Variants in ARFGAP1 observed in about 807,000 individuals in gnomAD.
The protein encoded by ARFGAP1 is ARF GTPase activating protein 1.
A neutral mutation model predicts 54.0 loss-of-function variants in ARFGAP1; 26 were observed. That is an observed-to-expected ratio of 0.48 (90% CI 0.35 to 0.67). ARFGAP1 has a LOEUF of 0.67. Ranked by LOEUF, ARFGAP1 falls within the 30% of genes least tolerant of loss-of-function variation. The pLI is 0.00. For synonymous variants in ARFGAP1, 248 were observed against 211.9 expected, an observed-to-expected ratio of 1.17 and a Z score of -1.48; for missense variants, 525 against 535.8, an observed-to-expected ratio of 0.98 and a Z score of 0.20.
Position 63,287,265 on chromosome 20 carries a change from T to C in ARFGAP1, c.912-299T>C, listed in dbSNP as rs572538991. Among the ~76,000 whole-genome samples, 4 of 152,360 alleles carry C rather than the reference T, an allele frequency of 2.6e-5. No homozygotes were observed. In the South Asian group the frequency reaches 8.3e-4, roughly 32 times the overall value. ...GCCAAGCGCCCCTGCCCCTCCCCACTTGACTAAACCACTGTTTTATTGCAG... is the reference window on the plus strand; with the variant it reads ...GCCAAGCGCCCCTGCCCCTCCCCACCTGACTAAACCACTGTTTTATTGCAG... On this transcript the variant is annotated intron_variant, in intron 12 of 12. Coordinates refer to ENST00000370283, the MANE Select transcript of ARFGAP1 (RefSeq NM_018209.4).
intron 9 of ARFGAP1, chr20:63,283,762 C>G: frequency 6.8e-7 from 1 of 1,475,318 alleles, no homozygotes; most frequent in Non-Finnish European, 9.4e-7. Context: ...TGTTGCGGCA[C>G]CCCATGGTGG....
chr20:63,279,865 G>A (rs1276466736), intron 7 of ARFGAP1, among the ~76,000 whole-genome samples: 1 of 152,202 alleles, frequency 6.6e-6, no homozygotes, highest in African/African-American at 2.4e-5. Flanking sequence ...TTTTGTAGGT[G>A]TGATGGCTCA....
chr20:63,276,587 A>G lies in ARFGAP1; in HGVS notation c.278A>G (p.Tyr93Cys). ...FREFLESQEDYDPCWSLQEKY... is the reference protein window; with the variant it reads ...FREFLESQEDCDPCWSLQEKY... ...GAGTTCCTGGAGTCTCAGGAGGATTACGATCCTTGCTGGTCCTTGCAGGAG... is the reference window on the plus strand; with the variant it reads ...GAGTTCCTGGAGTCTCAGGAGGATTGCGATCCTTGCTGGTCCTTGCAGGAG... Residue 93 changes from tyrosine to cysteine, a missense_variant, in exon 4 of 13, where the codon TAC (tyrosine) becomes TGC (cysteine). Tyr to Cys is a radical substitution (Grantham distance 194). Around this residue, in one of 3 missense-constraint regions of ARFGAP1, gnomAD observed 466 missense variants for 453.6 expected, o/e 1.03. Transcript: ENST00000370283. The surrounding 1 kb of genome is among the most constrained non-coding windows in gnomAD (Gnocchi z 5.2). The G allele has an allele frequency of 6.2e-7, 1 of 1,614,022 alleles. No individual in the cohort carries two copies. The highest frequency in any genetic ancestry group is 8.5e-7 in the Non-Finnish European group (1 of 1,179,988).
chr20:63,273,328 G>C (rs1318427429), intron 1 of ARFGAP1: 1 of 152,266 alleles, frequency 6.6e-6, no homozygotes, highest in African/African-American at 2.4e-5. Flanking sequence ...CTTTTCCCGA[G>C]CTCCTTCGGA....
intron 7 of ARFGAP1, among the ~76,000 whole-genome samples, chr20:63,279,783 T>A (rs907659412): frequency 1.3e-5 from 2 of 152,218 alleles, no homozygotes; most frequent in Non-Finnish European, 2.9e-5. Flanking sequence ...GTTGCCATTT[T>A]GCTATTAACG....
At chr20:63,284,512 G>A (rs762078864) in intron 9 of ARFGAP1, 6 of 1,158,992 alleles carry the variant, frequency 5.2e-6, no homozygotes, top group Non-Finnish European at 6.5e-6. Context: ...AGGCGTTGCA[G>A]GTCAGCATGG....
At chr20:63,279,816 C>A (rs1180387717) in intron 7 of ARFGAP1, among the ~76,000 whole-genome samples, 2 of 152,174 alleles carry the variant, frequency 1.3e-5, no homozygotes, top group Non-Finnish European at 2.9e-5. Context: ...GTTCCACTTT[C>A]TTTTTCCAAG....
chr20:63,275,648 T>C lies in ARFGAP1; in HGVS notation c.60+8T>C, dbSNP rs2067217287. ...GTGCAGGATGAGAACAACGTAAGCC[T>C]CTGCCCCCCACCCCCCGCCCTAAGG... On this transcript the variant is annotated splice_region_variant and intron_variant, in intron 2 of 12. Coordinates refer to ENST00000370283, the MANE Select transcript of ARFGAP1 (RefSeq NM_018209.4). 2 of 1,613,240 alleles carry C rather than the reference T, an allele frequency of 1.2e-6. No individual in the cohort carries two copies. Among genetic ancestry groups the C allele is most frequent in the African/African-American group, 2.7e-5 (2 of 74,894 alleles).
intron 7 of ARFGAP1, among the ~76,000 whole-genome samples, chr20:63,279,489 A>G (rs1231963007): frequency 2.0e-5 from 3 of 152,156 alleles, no homozygotes; most frequent in Non-Finnish European, 2.9e-5. Context: ...TACAGGAGTG[A>G]GCCACCGTGC....
chr20:63,287,224 T>C (rs2123325092), intron 12 of ARFGAP1, among the ~76,000 whole-genome samples: 1 of 152,396 alleles, frequency 6.6e-6, no homozygotes, highest in Admixed American at 6.5e-5. Flanking sequence ...CGGGAGGGCC[T>C]GTGTCCCGGC....
intron 6 of ARFGAP1, 42 bp from the exon 7 acceptor site, chr20:63,278,857 T>C (rs1260429441): frequency 6.2e-7 from 1 of 1,603,764 alleles, no homozygotes; most frequent in Admixed American, 1.7e-5. Context: ...AGGAGCAGGG[T>C]TCATGCCAGC....
At position 63,278,164 on chromosome 20, in the gene ARFGAP1, T is replaced by G. The variant is rs762173346; in HGVS notation, c.491T>G (p.Phe164Cys). 3 of 1,613,756 alleles carry G rather than the reference T, an allele frequency of 1.9e-6. No individual in the cohort carries two copies. Among genetic ancestry groups the G allele is most frequent in the Non-Finnish European group, 2.5e-6 (3 of 1,179,954 alleles). Residue 164 changes from phenylalanine (F) to cysteine (C), a missense_variant, in exon 6 of 13, where the codon TTT becomes TGT. By Grantham distance (205) the Phe-to-Cys change is radical (BLOSUM62 -2). This residue lies in a region of ARFGAP1 where 466 missense variants were observed against 453.6 expected (regional missense o/e 1.03). Coordinates refer to ENST00000370283, the MANE Select transcript of ARFGAP1 (RefSeq NM_018209.4). ...QSVTASSDKA[F>C]EDWLNDDLGS... ...GTGACCGCCTCCTCGGACAAGGCTT[T>G]TGAAGACTGGCTGAATGATGACCTC...
intron 2 of ARFGAP1, 106 bp from the exon 3 acceptor site, chr20:63,275,985 C>G: frequency 1.9e-6 from 2 of 1,027,556 alleles, no homozygotes; most frequent in Non-Finnish European, 1.5e-6. Flanking sequence ...CCCCGGCCAC[C>G]CTGGGCAGCC....
Position 63,289,440 on chromosome 20 carries a change from T to C in ARFGAP1, c.*1567T>C, listed in dbSNP as rs2067654329. The C allele has an allele frequency of 6.6e-6, 1 of 152,238 alleles. No homozygotes were observed. Among genetic ancestry groups the C allele is most frequent in the African/African-American group, 2.4e-5 (1 of 41,434 alleles). The allele number at this position is 152,238 out of a possible 1,614,324, so 9.4% of individuals were successfully genotyped here. ...CTCCACCTTGGACAGTGGGATGTGG[T>C]GTTCCACATGTGCCTGTTTCCACGC... On this transcript the variant is annotated 3_prime_UTR_variant, in exon 13 of 13. Transcript: ENST00000370283.
chr20:63,279,852 G>T (rs1331078995), intron 7 of ARFGAP1, among the ~76,000 whole-genome samples: 1 of 152,196 alleles, frequency 6.6e-6, no homozygotes, highest in Non-Finnish European at 1.5e-5. Flanking sequence ...TTTAAAAAAT[G>T]ATTTTTGTAG....
chr20:63,276,212 G>C lies in ARFGAP1; in HGVS notation c.170+12G>C, dbSNP rs771278438. 2 of 1,612,856 alleles carry C rather than the reference G, an allele frequency of 1.2e-6. No homozygotes were observed. The highest frequency in any genetic ancestry group is 1.3e-5 in the African/African-American group (1 of 74,922). ...GGGGTTCACCTCAGGTCAGTGTCCT[G>C]CCGCTCTGGCTCTGCGGAGAGCCTG... On this transcript the variant is annotated intron_variant, in intron 3 of 12. Coordinates refer to ENST00000370283, the MANE Select transcript of ARFGAP1 (RefSeq NM_018209.4). This position sits in a 1 kb window ranked among gnomAD's most constrained non-coding sequence, Gnocchi z 5.2.
rs1008583573 is a variant in ARFGAP1 at position 63,287,965 on chromosome 20, A to G, written c.*92A>G. 2.5e-5 allele frequency: 34 copies of G among 1,344,190 alleles called. No individual in the cohort carries two copies. The African/African-American group carries it at 4.0e-4, about 16-fold the overall frequency. 83.3% of individuals were successfully genotyped at this position (1,344,190 alleles called of 1,614,324 possible). On this transcript the variant is annotated 3_prime_UTR_variant, in exon 13 of 13. Coordinates refer to ENST00000370283, the MANE Select transcript of ARFGAP1 (RefSeq NM_018209.4). ...CCTCCTCCTTCCATTTGACCCAAGAATCAGCAACTGCAGTGTGAGGACAGC... is the reference window on the plus strand; with the variant it reads ...CCTCCTCCTTCCATTTGACCCAAGAGTCAGCAACTGCAGTGTGAGGACAGC...
In ARFGAP1 at chr20:63,287,673, C is replaced by A; in HGVS notation, c.1021C>A (p.Arg341Ser). ...TFGSAEPTKT[R>S]KSPSSDSWTC... is the part of the protein sequence containing the mutation. The stretch of plus-strand genomic sequence containing the variant: ...TGGAAGTGCTGAGCCCACCAAGACC[C>A]GCAAGTCCCCGAGCAGCGACAGCTG... Residue 341 changes from arginine (R) to serine (S), a missense_variant, in exon 13 of 13, where the codon CGC (arginine) becomes AGC (serine). Transcript: ENST00000370283. The A allele has an allele frequency of 6.2e-7, 1 of 1,612,542 alleles. No homozygotes were observed. The highest frequency in any genetic ancestry group is 8.5e-7 in the Non-Finnish European group (1 of 1,179,918).
intron 1 of ARFGAP1, chr20:63,274,103 CTCATGA>C (rs2067171343): frequency 6.6e-6 from 1 of 152,184 alleles, no homozygotes. Flanking sequence ...AGATGTCTGC[CTCATGA>C]TCTGTGGTTC....
Sources: gnomAD v4.1 joint callset for allele counts (sites outside exome capture counted in the v4.1 genomes callset) on GRCh38, gnomAD v4.1.1 for gene constraint, gnomAD v4.1.1 regional missense constraint, Gnocchi (gnomAD v3.1) non-coding constraint, MANE v1.5 for transcripts, NCBI Gene and HGNC (gene_info 2026-07-23, HGNC 2026-07-21) for gene names.